ERGIC2: variants seen among roughly 807,000 people sequenced by gnomAD.
ERGIC2 encodes the protein ERGIC and golgi 2, also known as endoplasmic reticulum-Golgi intermediate compartment protein 2.
A neutral mutation model predicts 52.5 loss-of-function variants in ERGIC2; 31 were observed. The ratio of observed to expected loss-of-function variants is 0.59; its 90% CI spans 0.44 to 0.80. The LOEUF (loss-of-function observed/expected upper bound fraction) is 0.80, where lower values mean the gene tolerates loss of function less well. Ranked by LOEUF, ERGIC2 falls within the 30% of genes least tolerant of loss-of-function variation. The pLI is 0.00. For synonymous variants in ERGIC2, 129 were observed against 140.6 expected (o/e 0.92, Z 0.58); for missense variants, 395 against 455.2 (o/e 0.87, Z 1.20).
chr12:29,358,608 G>A (rs12578931), intron 6 of ERGIC2, among the ~76,000 whole-genome samples: 46,110 of 151,970 alleles, frequency 0.3, 8,786 homozygotes, highest in Admixed American at 0.45. Context: ...TTGATAATGG[G>A]GGAACCTGTA....
chr12:29,344,625 G>A (rs1023911232), intron 11 of ERGIC2, among the ~76,000 whole-genome samples: 2 of 151,472 alleles, frequency 1.3e-5, no homozygotes, highest in Admixed American at 6.6e-5. Flanking sequence ...ATAGACACAT[G>A]ACACTTCACC....
Position 29,337,640 on chromosome 12 carries a change from C to T in ERGIC2, c.*3516G>A, listed in dbSNP as rs117218549. On this transcript the variant is annotated 3_prime_UTR_variant, in exon 14 of 14. Transcript: ENST00000360150. ...TGTTGAAAAAGGGCTACCACCTTGG[C>T]TTGCTGAAGGTTTGCTAGAGCTCAA... 6.6e-6 allele frequency: 1 copy of T among 152,144 alleles called. No individual in the cohort carries two copies. The highest frequency in any genetic ancestry group is 1.5e-5 in the Non-Finnish European group (1 of 68,024). The allele number at this position is 152,144 out of a possible 1,614,324, so 9.4% of individuals were successfully genotyped here. A position where few individuals can be genotyped will look rare whatever the true frequency, so the allele number is the denominator to read the frequency against.
chr12:29,367,302 G>A (rs1940378195), intron 4 of ERGIC2, among the ~76,000 whole-genome samples: 1 of 151,596 alleles, frequency 6.6e-6, no homozygotes, highest in Admixed American at 6.6e-5. Flanking sequence ...GTACTAAGTG[G>A]CTGCTGAACA....
intron 1 of ERGIC2, among the ~76,000 whole-genome samples, chr12:29,379,960 AT>A (rs934993919): frequency 4.6e-5 from 7 of 151,916 alleles, no homozygotes; most frequent in African/African-American, 1.7e-4. Flanking sequence ...ACTAGGCCTG[AT>A]TTCCTTTGAG....
Position 29,349,074 on chromosome 12 carries a change from C to A in ERGIC2, c.727+5G>T. 2 of 1,436,774 alleles carry A rather than the reference C, an allele frequency of 1.4e-6. No individual in the cohort carries two copies. The highest frequency in any genetic ancestry group is 1.9e-6 in the Non-Finnish European group (2 of 1,052,718). The allele number at this position is 1,436,774 out of a possible 1,614,324, so 89.0% of individuals were successfully genotyped here. A position where few individuals can be genotyped will look rare whatever the true frequency, so the allele number is the denominator to read the frequency against. On this transcript the variant is annotated splice_donor_5th_base_variant and intron_variant, in intron 10 of 13. Transcript: ENST00000360150. Reference sequence around the variant, plus strand: ...AAAATCCAACAATAATTATTAAATACTTACGATCTATAGCAATTTTTTCAG... The same window carrying A: ...AAAATCCAACAATAATTATTAAATAATTACGATCTATAGCAATTTTTTCAG...
At chr12:29,346,935 T>C (rs533750390) in intron 10 of ERGIC2, among the ~76,000 whole-genome samples, 1 of 152,308 alleles carries the variant, frequency 6.6e-6, no homozygotes, top group South Asian at 2.1e-4. Context: ...TTGTTAGAGA[T>C]GAAGCAACTC....
In ERGIC2 at chr12:29,339,112, G is replaced by A. The variant is rs181487528; in HGVS notation, c.*2044C>T. The A allele has an allele frequency of 3.3e-5, 5 of 152,248 alleles. No individual in the cohort carries two copies. The highest frequency in any genetic ancestry group is 2.6e-4 in the Admixed American group (4 of 15,290). 9.4% of individuals were successfully genotyped at this position (152,248 alleles called of 1,614,324 possible). A position where few individuals can be genotyped will look rare whatever the true frequency, so the allele number is the denominator to read the frequency against. On this transcript the variant is annotated 3_prime_UTR_variant, in exon 14 of 14. Transcript: ENST00000360150. ...CCAAAAATCTGACTCTATTTGAGGA[G>A]TTTCAGATGGAAGCCTTTAACTTTT...
chr12:29,368,207 A>G, intron 4 of ERGIC2, 34 bp downstream of exon 4: 1 of 1,358,070 alleles, frequency 7.4e-7, no homozygotes, highest in Admixed American at 1.7e-5. Context: ...ACCATAACCT[A>G]CATGTGGATT....
At chr12:29,370,821 A>T (rs1020977424) in intron 2 of ERGIC2, among the ~76,000 whole-genome samples, 2 of 152,172 alleles carry the variant, frequency 1.3e-5, no homozygotes, top group African/African-American at 4.8e-5. Flanking sequence ...ATATCACCTC[A>T]TTCACAGAAC....
intron 1 of ERGIC2, chr12:29,372,376 T>C (rs1940453322): frequency 6.7e-6 from 1 of 149,678 alleles, no homozygotes; most frequent in Non-Finnish European, 1.5e-5. Context: ...ATAATAATAA[T>C]GGAAGAAGAA....
intron 6 of ERGIC2, 46 bp from the exon 7 acceptor site, chr12:29,357,770 A>G (rs1424479917): frequency 2.9e-6 from 3 of 1,022,938 alleles, no homozygotes; most frequent in Non-Finnish European, 4.6e-6. Context: ...GTACACAAAG[A>G]GAGCTGACAC....
intron 5 of ERGIC2, 130 bp downstream of exon 5, chr12:29,366,747 T>C (rs1164386954): frequency 2.0e-6 from 1 of 502,884 alleles, no homozygotes; most frequent in Non-Finnish European, 3.4e-6. Flanking sequence ...TTACAAAGAA[T>C]ATGGATTACT....
intron 2 of ERGIC2, 140 bp from the exon 3 acceptor site, chr12:29,370,362 G>A (rs2136877992): frequency 1.0e-6 from 1 of 959,466 alleles, no homozygotes; most frequent in Non-Finnish European, 1.4e-6. Flanking sequence ...TACTATAGAA[G>A]GTTTTTATTC....
intron 3 of ERGIC2, among the ~76,000 whole-genome samples, chr12:29,369,767 C>A (rs1381106862): frequency 6.6e-6 from 1 of 151,836 alleles, no homozygotes; most frequent in African/African-American, 2.4e-5. Flanking sequence ...TACAATGTAT[C>A]CTTAGACAAC....
chr12:29,380,060 A>T (rs1344029319), intron 1 of ERGIC2, among the ~76,000 whole-genome samples: 4 of 674 alleles, frequency 5.9e-3, no homozygotes, highest in Non-Finnish European at 0.027. Context: ...CATCATTTAA[A>T]AAAAAAAAAA....
intron 8 of ERGIC2, 132 bp from the exon 9 acceptor site, chr12:29,350,200 T>C (rs1301901755): frequency 2.9e-5 from 17 of 584,036 alleles, no homozygotes; most frequent in South Asian, 5.0e-5. Context: ...ATTTGGCCTA[T>C]TGACTGAGCA....
At position 29,343,278 on chromosome 12, in the gene ERGIC2, C is replaced by G; in HGVS notation, c.830G>C (p.Arg277Pro). The change falls in exon 12 of 14, where the codon CGT (arginine) becomes CCT (proline). Residue 277 changes from arginine (R) to proline (P), a missense_variant. Coordinates refer to ENST00000360150, the MANE Select transcript of ERGIC2 (RefSeq NM_016570.3). ...GCTGCCTGCAGCATGGTTAATGATA[C>G]GTTCCTAAAAGGGAGGCAAAAGGAA... ...THQFSVTERE[R>P]IINHAAGSHG... 6.3e-7 allele frequency: 1 copy of G among 1,576,668 alleles called. No homozygotes were observed. Among genetic ancestry groups the G allele is most frequent in the Non-Finnish European group, 8.6e-7 (1 of 1,160,146 alleles).
chr12:29,349,725 G>A lies in ERGIC2; in HGVS notation c.628+288C>T, dbSNP rs565487018. ...TGTCTATACATCCATATTTCAATTT[G>A]CAAATTGAAATAAACTGCAAATATA... On this transcript the variant is annotated intron_variant, in intron 9 of 13. Coordinates refer to ENST00000360150, the MANE Select transcript of ERGIC2 (RefSeq NM_016570.3). Among the ~76,000 whole-genome samples the A allele has an allele frequency of 2.6e-5, 4 of 151,984 alleles. 1 individual carries two copies. In the East Asian group the frequency reaches 5.8e-4, roughly 22 times the overall value.
chr12:29,367,601 G>C (rs1452453946), intron 4 of ERGIC2, among the ~76,000 whole-genome samples: 1 of 151,700 alleles, frequency 6.6e-6, no homozygotes, highest in African/African-American at 2.4e-5. Context: ...CTAATTAATT[G>C]GGTAAAATTA....
Sources: gnomAD v4.1 joint callset for allele counts (sites outside exome capture counted in the v4.1 genomes callset) on GRCh38, gnomAD v4.1.1 for gene constraint, MANE v1.5 for transcripts, NCBI Gene and HGNC (gene_info 2026-07-23, HGNC 2026-07-21) for gene names.